Variants in CLEC6A observed in about 807,000 individuals in gnomAD.
The protein encoded by CLEC6A is C-type lectin domain family 6 member A.
CLEC6A carries 22 observed loss-of-function variants against 25.7 expected under a neutral mutation model. That is an observed-to-expected ratio of 0.85 (90% CI 0.61 to 1.22). The LOEUF is 1.22. CLEC6A is among the 50% of genes most tolerant of loss of function. CLEC6A has a pLI of 0.00. For synonymous variants in CLEC6A, 92 were observed against 76.7 expected, an observed-to-expected ratio of 1.20 and a Z score of -1.04; for missense variants, 240 against 236.8, an observed-to-expected ratio of 1.01 and a Z score of -0.09.
chr12:8,475,089 G>A (rs907657190), intron 4 of CLEC6A, among the ~76,000 whole-genome samples: 1 of 151,950 alleles, frequency 6.6e-6, no homozygotes, highest in African/African-American at 2.4e-5. Flanking sequence ...GTGTCTAAGT[G>A]TTCTCATTGT....
chr12:8,477,720 T>C lies in CLEC6A; in HGVS notation c.*256T>C, dbSNP rs1039009936. The stretch of plus-strand genomic sequence containing the variant: ...TTCACTTGTTATTCATTTTTTTCTT[T>C]CTTCACACTTCATTACACAAATATT... On this transcript the variant is annotated 3_prime_UTR_variant, in exon 6 of 6. Coordinates refer to ENST00000382073, the MANE Select transcript of CLEC6A (RefSeq NM_001007033.2). 1.1e-5 allele frequency: 3 copies of C among 279,834 alleles called. No homozygotes were observed. Among genetic ancestry groups the C allele is most frequent in the African/African-American group, 6.6e-5 (3 of 45,140 alleles). 17.3% of individuals were successfully genotyped at this position (279,834 alleles called of 1,614,324 possible). A position where few individuals can be genotyped will look rare whatever the true frequency, so the allele number is the denominator to read the frequency against.
At chr12:8,463,729 G>A (rs1337953990) in intron 3 of CLEC6A, among the ~76,000 whole-genome samples, 2 of 152,188 alleles carry the variant, frequency 1.3e-5, no homozygotes, top group Non-Finnish European at 2.9e-5. Flanking sequence ...ATACCAAAAA[G>A]TGTTCTAATA....
At chr12:8,459,572 A>G (rs1591705513) in intron 2 of CLEC6A, 25 bp from the exon 3 acceptor site, 1 of 1,423,818 alleles carries the variant, frequency 7.0e-7, no homozygotes, top group African/African-American at 1.4e-5. Context: ...ATAGATGGAC[A>G]CTAATCCTTC....
At chr12:8,476,064 C>A in intron 4 of CLEC6A, 61 bp from the exon 5 acceptor site, 1 of 1,105,388 alleles carries the variant, frequency 9.0e-7, no homozygotes, top group Non-Finnish European at 1.3e-6. Context: ...TATAAGCAAC[C>A]TTTACTCTGT....
At chr12:8,468,380 A>AT (rs774915534) in intron 4 of CLEC6A, among the ~76,000 whole-genome samples, 7 of 152,122 alleles carry the variant, frequency 4.6e-5, no homozygotes, top group African/African-American at 1.4e-4. Flanking sequence ...GTTCTAACAG[A>AT]TTTTTTGTTG....
intron 4 of CLEC6A, among the ~76,000 whole-genome samples, chr12:8,466,250 G>A (rs1260996894): frequency 6.6e-6 from 1 of 152,074 alleles, no homozygotes; most frequent in Non-Finnish European, 1.5e-5. Flanking sequence ...TTTGTGGTGA[G>A]AACACATAAG....
At chr12:8,456,180 T>C in intron 1 of CLEC6A, 38 bp downstream of exon 1, 2 of 1,603,536 alleles carry the variant, frequency 1.2e-6, no homozygotes, top group Non-Finnish European at 1.7e-6. Flanking sequence ...AGTGGAAGTG[T>C]ATGGTGAAAT....
At chr12:8,468,381 T>A (rs956188706) in intron 4 of CLEC6A, among the ~76,000 whole-genome samples, 4 of 152,254 alleles carry the variant, frequency 2.6e-5, no homozygotes, top group Non-Finnish European at 4.4e-5. Flanking sequence ...TTCTAACAGA[T>A]TTTTTGTTGA....
rs778775628 is a variant in CLEC6A, at chr12:8,467,091, T to G, written c.369+1462T>G. 2.0e-4 allele frequency among the ~76,000 whole-genome samples: 30 copies of G among 152,378 alleles called. 1 individual carries two copies. In the South Asian group the frequency reaches 6.2e-3, roughly 32 times the overall value. The stretch of plus-strand genomic sequence containing the variant: ...AGGTGTTCCTTATATATTCTTGATA[T>G]TAACCCCTTACCAGATATATGGTTT... On this transcript the variant is annotated intron_variant, in intron 4 of 5. Coordinates refer to ENST00000382073, the MANE Select transcript of CLEC6A (RefSeq NM_001007033.2).
In CLEC6A at chr12:8,458,571, T is replaced by TA. The variant is rs1307238261; in HGVS notation, c.121+589dup. 6.6e-5 allele frequency among the ~76,000 whole-genome samples: 10 copies of TA among 152,266 alleles called. No individual in the cohort carries two copies. The South Asian group carries it at 1.5e-3, about 22-fold the overall frequency. On this transcript the variant is annotated intron_variant, in intron 2 of 5. Coordinates refer to ENST00000382073, the MANE Select transcript of CLEC6A (RefSeq NM_001007033.2). ...GATTTCTATTCATTGATAAGGTGAT[T>TA]AAAAATGGGTATTGAATAGTCTGGG...
chr12:8,470,489 T>C (rs910397355), intron 4 of CLEC6A, among the ~76,000 whole-genome samples: 3 of 152,162 alleles, frequency 2.0e-5, no homozygotes, highest in Non-Finnish European at 4.4e-5. Context: ...CATGCATGTT[T>C]ATAGCAGCAC....
intron 3 of CLEC6A, chr12:8,461,226 C>A (rs1009348540): frequency 2.6e-6 from 2 of 759,530 alleles, no homozygotes; most frequent in Non-Finnish European, 4.5e-6. Flanking sequence ...TCCACCGTTA[C>A]CGCTAACATA....
intron 3 of CLEC6A, among the ~76,000 whole-genome samples, chr12:8,462,501 G>A (rs1286632495): frequency 1.4e-5 from 2 of 141,672 alleles, no homozygotes; most frequent in African/African-American, 2.6e-5. Flanking sequence ...CTGAGATAGG[G>A]GAAAACCGCC....
intron 3 of CLEC6A, among the ~76,000 whole-genome samples, chr12:8,463,651 G>T (rs1292900297): frequency 1.3e-5 from 2 of 152,164 alleles, no homozygotes; most frequent in African/African-American, 4.8e-5. Flanking sequence ...TAAAGAAAAA[G>T]AAATATTATA....
At chr12:8,462,056 G>A (rs4883150) in intron 3 of CLEC6A, among the ~76,000 whole-genome samples, 118,086 of 152,128 alleles carry the variant, frequency 0.78, 46,197 homozygotes, top group East Asian at 0.99. Context: ...TTAATCTGTA[G>A]CCTTACCCCC....
At chr12:8,475,984 C>T (rs1008471762) in intron 4 of CLEC6A, 141 bp from the exon 5 acceptor site, 94 of 532,618 alleles carry the variant, frequency 1.8e-4, no homozygotes, top group Non-Finnish European at 2.3e-4. Flanking sequence ...GCCTGTACTC[C>T]TGGTCAGAAG....
chr12:8,456,098 A>T lies in CLEC6A; in HGVS notation c.-14A>T. 6.2e-7 allele frequency: 1 copy of T among 1,613,678 alleles called. No homozygotes were observed. The highest frequency in any genetic ancestry group is 8.5e-7 in the Non-Finnish European group (1 of 1,179,696). ...AAAGGTTCCTGGACCTTCTCAACAC[A>T]GGGAGCCTGCATAATGATGCAAGAG... On this transcript the variant is annotated 5_prime_UTR_variant, in exon 1 of 6. Transcript: ENST00000382073.
At chr12:8,472,359 T>G (rs1250987182) in intron 4 of CLEC6A, among the ~76,000 whole-genome samples, 1 of 152,144 alleles carries the variant, frequency 6.6e-6, no homozygotes, top group Non-Finnish European at 1.5e-5. Flanking sequence ...CCCAAATATG[T>G]TGTGTTTCCT....
Position 8,459,694 on chromosome 12 carries a change from G to A in CLEC6A, c.219G>A (p.Val73=), listed in dbSNP as rs1226379073. The A allele has an allele frequency of 6.9e-6, 11 of 1,602,062 alleles. No individual in the cohort carries two copies. The highest frequency in any genetic ancestry group is 1.1e-5 in the South Asian group (1 of 90,862). The change falls in exon 3 of 6, where the codon GTG becomes GTA. Residue 73 remains valine, a synonymous_variant. Transcript: ENST00000382073. ...SLTCFSEGTK[V]PAWGCCPASW... Reference sequence around the variant, plus strand: ...CCTGCTTCAGTGAAGGGACAAAGGTGCCAGGTAAATCTTTAAAATACTGAA... The same window carrying A: ...CCTGCTTCAGTGAAGGGACAAAGGTACCAGGTAAATCTTTAAAATACTGAA...
Sources: allele counts gnomAD v4.1 joint callset (sites outside exome capture counted in the v4.1 genomes callset), GRCh38; gene constraint gnomAD v4.1.1; transcripts MANE v1.5; gene names NCBI Gene and HGNC (gene_info 2026-07-23, HGNC 2026-07-21).